The following C5AR2 variants were observed in gnomAD, a reference collection of about 807,000 sequenced individuals.
C5AR2 encodes the protein C5a anaphylatoxin chemotactic receptor 2.
For synonymous variants in C5AR2, 224 were observed against 216.5 expected (o/e 1.03, Z -0.30); for missense variants, 458 against 467.5 (o/e 0.98, Z 0.19).
At chr19:47,333,004 T>A (rs1268362448) in intron 1 of C5AR2, among the ~76,000 whole-genome samples, 5 of 151,964 alleles carry the variant, frequency 3.3e-5, no homozygotes, top group Non-Finnish European at 4.4e-5. Context: ...CTTTCTTTCC[T>A]TTTCTCTCTT....
intron 1 of C5AR2, among the ~76,000 whole-genome samples, chr19:47,338,033 C>T (rs1484075836): frequency 6.6e-6 from 1 of 150,872 alleles, no homozygotes; most frequent in Non-Finnish European, 1.5e-5. Flanking sequence ...CAAAATAGCG[C>T]CACTGCACTC....
chr19:47,336,509 CT>C (rs1454607588), intron 1 of C5AR2, among the ~76,000 whole-genome samples: 5 of 91,046 alleles, frequency 5.5e-5, no homozygotes, highest in Non-Finnish European at 1.2e-4. Flanking sequence ...TTCTTTCTTT[CT>C]TTTTCTTTCT....
rs1344080172 is a variant in C5AR2, at chr19:47,332,210, A to C, written c.-155A>C. 6.6e-6 allele frequency: 1 copy of C among 152,290 alleles called. No homozygotes were observed. The highest frequency in any genetic ancestry group is 1.5e-5 in the Non-Finnish European group (1 of 68,148). 9.4% of individuals were successfully genotyped at this position (152,290 alleles called of 1,614,324 possible). ...AGCAGCATCCGACAGGAGCCCTGGC[A>C]AACAGGACGGATTTCCAGGACTCTA... is the stretch of plus-strand genomic sequence containing the variant. On this transcript the variant is annotated 5_prime_UTR_variant, in exon 1 of 2. Coordinates refer to ENST00000595464, the MANE Select transcript of C5AR2 (RefSeq NM_001271749.2).
rs1483879472 is a variant in C5AR2 at position 47,332,291 on chromosome 19, G to C, written c.-74G>C. 2 of 152,224 alleles carry C rather than the reference G, an allele frequency of 1.3e-5. No homozygotes were observed. The highest frequency in any genetic ancestry group is 2.9e-5 in the Non-Finnish European group (2 of 68,088). The allele number at this position is 152,224 out of a possible 1,614,324, so 9.4% of individuals were successfully genotyped here. On this transcript the variant is annotated 5_prime_UTR_variant, in exon 1 of 2. Transcript: ENST00000595464. ...CAGACCTCCTGGGTCCTGGCTGTGG[G>C]CCCGGATTGGGCTCCCAAGTGGCGT...
intron 1 of C5AR2, among the ~76,000 whole-genome samples, chr19:47,335,222 G>A (rs2059352917): frequency 6.6e-6 from 1 of 151,864 alleles, no homozygotes; most frequent in South Asian, 2.1e-4. Context: ...CCTTACCATT[G>A]TTATTGAATG....
intron 1 of C5AR2, among the ~76,000 whole-genome samples, chr19:47,336,781 T>C (rs995550003): frequency 7.9e-5 from 12 of 152,060 alleles, no homozygotes; most frequent in Non-Finnish European, 1.8e-4. Flanking sequence ...CCCAATGTAC[T>C]GGGATTACAG....
At position 47,341,101 on chromosome 19, in the gene C5AR2, C is replaced by T. The variant is rs541823800; in HGVS notation, c.302C>T (p.Pro101Leu). ...AVPIARGGHW[P>L]YGAVGCRALP... ...CCCATTGCCCGTGGAGGCCACTGGC[C>T]GTATGGTGCAGTGGGCTGTCGGGCG... is the stretch of plus-strand genomic sequence containing the variant. The change falls in exon 2 of 2, where the codon CCG becomes CTG. Residue 101 changes from proline to leucine, a missense_variant. By Grantham distance (98) the Pro-to-Leu change is moderately conservative (BLOSUM62 -3). Transcript: ENST00000595464. This position sits in a 1 kb window ranked among gnomAD's most constrained non-coding sequence, Gnocchi z 4.6. 5.0e-6 allele frequency: 8 copies of T among 1,604,308 alleles called. No homozygotes were observed. Among genetic ancestry groups the T allele is most frequent in the East Asian group, 2.2e-5 (1 of 44,894 alleles).
intron 1 of C5AR2, among the ~76,000 whole-genome samples, chr19:47,338,519 TTA>T (rs1202454332): frequency 3.8e-4 from 57 of 149,708 alleles, no homozygotes; most frequent in African/African-American, 1.3e-3. Flanking sequence ...AATAATTTTA[TTA>T]TTATTATTAT....
Position 47,336,421 on chromosome 19 carries a change from TTTCTTTCTTTCTTTCCTTCCTTCC to T in C5AR2, c.-16+4076_-16+4099del, listed in dbSNP as rs60513928. On this transcript the variant is annotated intron_variant, in intron 1 of 1. Coordinates refer to ENST00000595464, the MANE Select transcript of C5AR2 (RefSeq NM_001271749.2). ...GGTTCAGTTTTTAAATGCTGTACTC[TTTCTTTCTTTCTTTCCTTCCTTCC>T]TTCCTTCCTTCCTTCCTTCCTTCCT... Among the ~76,000 whole-genome samples the T allele has an allele frequency of 2.6e-3, 318 of 124,274 alleles. 17 individuals are homozygous for T. The highest frequency in any genetic ancestry group is 5.7e-3 in the Admixed American group (64 of 11,214). The allele number at this position is 124,274 out of a possible 152,430, so 81.5% of individuals were successfully genotyped here. A position where few individuals can be genotyped will look rare whatever the true frequency, so the allele number is the denominator to read the frequency against.
Position 47,340,786 on chromosome 19 carries a change from C to T in C5AR2, c.-14C>T. ...TCATCGTCTTTCTCTCCTGCCCAGA[C>T]ACCAGGAGCCTGAATGGGGAACGAT... On this transcript the variant is annotated splice_region_variant and 5_prime_UTR_variant, in exon 2 of 2. Coordinates refer to ENST00000595464, the MANE Select transcript of C5AR2 (RefSeq NM_001271749.2). 9 of 1,612,966 alleles carry T rather than the reference C, an allele frequency of 5.6e-6. No homozygotes were observed. The highest frequency in any genetic ancestry group is 1.7e-5 in the Admixed American group (1 of 60,016).
At position 47,343,067 on chromosome 19, in the gene C5AR2, G is replaced by A. The variant is rs182662981; in HGVS notation, c.*1254G>A. 1 of 152,282 alleles carries A rather than the reference G, an allele frequency of 6.6e-6. No homozygotes were observed. The highest frequency in any genetic ancestry group is 1.9e-4 in the East Asian group (1 of 5,180). The allele number at this position is 152,282 out of a possible 1,614,324, so 9.4% of individuals were successfully genotyped here. ...AGATTAAGTAAAGGATCTTGAGAAGGGGTGGTTATCCTGGATTGTCTGGGT... is the reference window on the plus strand; with the variant it reads ...AGATTAAGTAAAGGATCTTGAGAAGAGGTGGTTATCCTGGATTGTCTGGGT... On this transcript the variant is annotated 3_prime_UTR_variant, in exon 2 of 2. Transcript: ENST00000595464.
At chr19:47,332,778 T>A (rs574691403) in intron 1 of C5AR2, among the ~76,000 whole-genome samples, 21 of 152,118 alleles carry the variant, frequency 1.4e-4, no homozygotes, top group African/African-American at 4.8e-4. Context: ...GGTCTCGAAC[T>A]CCCGACCTCA....
chr19:47,335,721 G>A (rs1415542306), intron 1 of C5AR2, among the ~76,000 whole-genome samples: 2 of 119,118 alleles, frequency 1.7e-5, no homozygotes, highest in South Asian at 3.0e-4. Flanking sequence ...GCAGTGAGCC[G>A]AGATCGCACC....
At position 47,342,685 on chromosome 19, in the gene C5AR2, G is replaced by T. The variant is rs1969062313; in HGVS notation, c.*872G>T. On this transcript the variant is annotated 3_prime_UTR_variant, in exon 2 of 2. Coordinates refer to ENST00000595464, the MANE Select transcript of C5AR2 (RefSeq NM_001271749.2). ...CGTGAGCCACCGCACCCGGCCAAAAGATTTTAATAGGATCCCTCTGGTTGC... is the reference window on the plus strand; with the variant it reads ...CGTGAGCCACCGCACCCGGCCAAAATATTTTAATAGGATCCCTCTGGTTGC... 6.6e-6 allele frequency: 1 copy of T among 152,578 alleles called. No homozygotes were observed. Among genetic ancestry groups the T allele is most frequent in the African/African-American group, 2.4e-5 (1 of 41,416 alleles). 9.5% of individuals were successfully genotyped at this position (152,578 alleles called of 1,614,324 possible).
chr19:47,341,619 C>A lies in C5AR2; in HGVS notation c.820C>A (p.Pro274Thr). ...CCTGGCCAGGGCCCTGCGGGCTGAACCCCTCATCGTGGGCCTTGCCCTCGC... is the reference window on the plus strand; with the variant it reads ...CCTGGCCAGGGCCCTGCGGGCTGAAACCCTCATCGTGGGCCTTGCCCTCGC... ...ALLARALRAE[P>T]LIVGLALAHS... is the part of the protein sequence containing the mutation. Residue 274 changes from proline to threonine, a missense_variant, in exon 2 of 2, where the codon CCC becomes ACC. Physicochemically the swap from Pro to Thr is conservative, Grantham distance 38. Transcript: ENST00000595464. The surrounding 1 kb of genome is among the most constrained non-coding windows in gnomAD (Gnocchi z 4.6). 9 of 1,613,994 alleles carry A rather than the reference C, an allele frequency of 5.6e-6. No individual in the cohort carries two copies. The highest frequency in any genetic ancestry group is 7.6e-6 in the Non-Finnish European group (9 of 1,179,976).
intron 1 of C5AR2, among the ~76,000 whole-genome samples, chr19:47,338,783 G>T (rs2059370171): frequency 6.6e-6 from 1 of 151,630 alleles, no homozygotes. Flanking sequence ...GCTGCAGTGA[G>T]CTGGGAAAGT....
At position 47,346,720 on chromosome 19, in the gene C5AR2, A is replaced by T. The variant is rs1478948686; in HGVS notation, c.*4907A>T. The T allele has an allele frequency of 1.3e-5, 2 of 152,048 alleles. No individual in the cohort carries two copies. The highest frequency in any genetic ancestry group is 4.8e-5 in the African/African-American group (2 of 41,366). The allele number at this position is 152,048 out of a possible 1,614,324, so 9.4% of individuals were successfully genotyped here. On this transcript the variant is annotated 3_prime_UTR_variant, in exon 2 of 2. Transcript: ENST00000595464. ...ACTCCGTCTAAAAAAAAAAAATAGTAAGAAAGAAGGAAAGACACAAAGACA... is the reference window on the plus strand; with the variant it reads ...ACTCCGTCTAAAAAAAAAAAATAGTTAGAAAGAAGGAAAGACACAAAGACA...
At position 47,341,557 on chromosome 19, in the gene C5AR2, G is replaced by T. The variant is rs935844785; in HGVS notation, c.758G>T (p.Gly253Val). The T allele has an allele frequency of 1.2e-6, 2 of 1,613,268 alleles. No homozygotes were observed. The highest frequency in any genetic ancestry group is 1.7e-6 in the Non-Finnish European group (2 of 1,179,850). Reference sequence around the variant, plus strand: ...TGCTGGGCACCCTACCACCTGCTGGGGCTGGTGCTCACTGTGGCGGCCCCG... The same window carrying T: ...TGCTGGGCACCCTACCACCTGCTGGTGCTGGTGCTCACTGTGGCGGCCCCG... Reference protein sequence around the residue: ...FVCWAPYHLLGLVLTVAAPNS... With the variant: ...FVCWAPYHLLVLVLTVAAPNS... The change falls in exon 2 of 2, where the codon GGG becomes GTG. Residue 253 changes from glycine to valine, a missense_variant. By Grantham distance (109) the Gly-to-Val change is moderately radical (BLOSUM62 -3). Coordinates refer to ENST00000595464, the MANE Select transcript of C5AR2 (RefSeq NM_001271749.2). This position sits in a 1 kb window ranked among gnomAD's most constrained non-coding sequence, Gnocchi z 4.6.
At chr19:47,333,752 G>A (rs1006209124) in intron 1 of C5AR2, among the ~76,000 whole-genome samples, 10 of 151,840 alleles carry the variant, frequency 6.6e-5, no homozygotes, top group African/African-American at 2.2e-4. Flanking sequence ...CTAATTTTTT[G>A]TATTTTTTAG....
Sources: allele counts gnomAD v4.1 joint callset (sites outside exome capture counted in the v4.1 genomes callset), GRCh38; gene constraint gnomAD v4.1.1; non-coding constraint Gnocchi (gnomAD v3.1); transcripts MANE v1.5; gene names NCBI Gene and HGNC (gene_info 2026-07-23, HGNC 2026-07-21).